The following OTOP2 variants were observed in gnomAD, a reference collection of about 807,000 sequenced individuals.
The protein encoded by OTOP2 is proton channel OTOP2.
Under a neutral mutation model 47.4 loss-of-function variants are expected in OTOP2, and 41 were observed. That is an observed-to-expected ratio of 0.87 (90% CI 0.67 to 1.12). OTOP2 has a LOEUF of 1.12. Ranked by LOEUF, OTOP2 falls within the 50% of genes most tolerant of loss-of-function variation. The pLI, the probability that OTOP2 is intolerant of heterozygous loss-of-function variation, is 0.00. For missense variants in OTOP2, 721 were observed against 752.2 expected (o/e 0.96, Z 0.49); for synonymous variants, 328 against 319.6 (o/e 1.03, Z -0.28).
intron 3 of OTOP2, among the ~76,000 whole-genome samples, chr17:74,926,477 G>A (rs527438306): frequency 6.6e-6 from 1 of 152,252 alleles, no homozygotes; most frequent in Non-Finnish European, 1.5e-5. Context: ...AGGATGAGCA[G>A]GGGATGTTGT....
At chr17:74,927,422 G>A in intron 4 of OTOP2, 141 bp downstream of exon 4, 1 of 1,138,302 alleles carries the variant, frequency 8.8e-7, no homozygotes, top group Admixed American at 1.9e-5. Flanking sequence ...GCTTTGTCAG[G>A]CTGACTTCCA....
rs780407688 is a variant in OTOP2, at chr17:74,930,618, A to G, written c.983A>G (p.Tyr328Cys). ...CGCACCAGGCAGGCCCTGGTCATCT[A>G]CTACAGCTTCAACATTGTCTGCTTG... The part of the protein sequence containing the change: ...GSRTRQALVI[Y>C]YSFNIVCLGL... The change falls in exon 6 of 7, where the codon TAC (tyrosine) becomes TGC (cysteine). Residue 328 changes from tyrosine (Y) to cysteine (C), a missense_variant. By Grantham distance (194) the Tyr-to-Cys change is radical. Coordinates refer to ENST00000331427, the MANE Select transcript of OTOP2 (RefSeq NM_178160.3). This position sits in a 1 kb window ranked among gnomAD's most constrained non-coding sequence, Gnocchi z 4.0. 6.2e-7 allele frequency: 1 copy of G among 1,614,004 alleles called. No homozygotes were observed. The highest frequency in any genetic ancestry group is 8.5e-7 in the Non-Finnish European group (1 of 1,180,004).
In OTOP2 at chr17:74,924,515, T is replaced by A. The variant is rs999590137; in HGVS notation, c.-33-85T>A. On this transcript the variant is annotated intron_variant, in intron 1 of 6. Transcript: ENST00000331427. This position sits in a 1 kb window ranked among gnomAD's most constrained non-coding sequence, Gnocchi z 7.7. ...AGCCCCAACCCTGCGGGTCAGGAAC[T>A]CCCTAGTCCCCAAGTCTAGGGATGA... is the stretch of plus-strand genomic sequence containing the variant. 2.1e-5 allele frequency: 26 copies of A among 1,252,370 alleles called. No homozygotes were observed. In the African/African-American group the frequency reaches 4.0e-4, roughly 19 times the overall value. The allele number at this position is 1,252,370 out of a possible 1,614,324, so 77.6% of individuals were successfully genotyped here. A position where few individuals can be genotyped will look rare whatever the true frequency, so the allele number is the denominator to read the frequency against.
chr17:74,924,991 C>G lies in OTOP2; in HGVS notation c.313+46C>G. 1 of 1,504,496 alleles carries G rather than the reference C, an allele frequency of 6.6e-7. No individual in the cohort carries two copies. The highest frequency in any genetic ancestry group is 8.9e-7 in the Non-Finnish European group (1 of 1,123,986). The allele number at this position is 1,504,496 out of a possible 1,614,324, so 93.2% of individuals were successfully genotyped here. A position where few individuals can be genotyped will look rare whatever the true frequency, so the allele number is the denominator to read the frequency against. ...GAGGTAGGGTGGGCACAACAGGGAG[C>G]TGCAGGCTAGGGCTCTCGCAGGAGT... On this transcript the variant is annotated intron_variant, in intron 2 of 6. Transcript: ENST00000331427. This position sits in a 1 kb window ranked among gnomAD's most constrained non-coding sequence, Gnocchi z 7.7.
Position 74,932,439 on chromosome 17 carries a change from C to T in OTOP2, c.1519-936C>T, listed in dbSNP as rs1053452348. ...TCCCCATAGATGTGGGATGATGCCA[C>T]GCAGGAGCCTTCCAACACAATCAAT... On this transcript the variant is annotated intron_variant, in intron 6 of 6. Transcript: ENST00000331427. Among the ~76,000 whole-genome samples, 8 of 152,206 alleles carry T rather than the reference C, an allele frequency of 5.3e-5. No homozygotes were observed. The South Asian group carries it at 1.0e-3, about 20-fold the overall frequency.
chr17:74,927,906 G>A, intron 5 of OTOP2, 108 bp downstream of exon 5: 1 of 1,403,480 alleles, frequency 7.1e-7, no homozygotes, highest in Non-Finnish European at 9.6e-7. Context: ...TAGAGGCAAA[G>A]GACAGAGCCA....
intron 2 of OTOP2, among the ~76,000 whole-genome samples, 177 bp downstream of exon 2, chr17:74,925,122 G>A (rs1022654863): frequency 6.6e-6 from 1 of 152,164 alleles, no homozygotes; most frequent in Non-Finnish European, 1.5e-5. Flanking sequence ...AAGGTAAGGG[G>A]TCCTGGGGGA....
intron 6 of OTOP2, among the ~76,000 whole-genome samples, chr17:74,932,763 T>A (rs138948982): frequency 6.6e-6 from 1 of 152,296 alleles, no homozygotes; most frequent in Non-Finnish European, 1.5e-5. Context: ...TAATCAGGGG[T>A]AGGGGTGGAG....
rs1379015183 is a variant in OTOP2 at position 74,925,657 on chromosome 17, C to T, written c.415C>T (p.His139Tyr). The T allele has an allele frequency of 1.2e-6, 2 of 1,614,200 alleles. No individual in the cohort carries two copies. Among genetic ancestry groups the T allele is most frequent in the Non-Finnish European group, 1.7e-6 (2 of 1,180,036 alleles). Residue 139 changes from histidine to tyrosine, a missense_variant, in exon 3 of 7, where the codon CAC (histidine) becomes TAC (tyrosine). Physicochemically the swap from His to Tyr is moderately conservative, Grantham distance 83. Transcript: ENST00000331427. ...FECQSAIKILHPLIQAVFVII... is the reference protein window; with the variant it reads ...FECQSAIKILYPLIQAVFVII... ...GTGCCAGTCAGCCATCAAGATCCTG[C>T]ACCCCCTCATCCAGGCTGTGTTTGT...
chr17:74,927,919 G>A lies in OTOP2; in HGVS notation c.643+121G>A, dbSNP rs2039024532. 3.0e-6 allele frequency: 4 copies of A among 1,321,278 alleles called. No individual in the cohort carries two copies. In the South Asian group the frequency reaches 6.0e-5, roughly 20 times the overall value. The allele number at this position is 1,321,278 out of a possible 1,614,324, so 81.8% of individuals were successfully genotyped here. A position where few individuals can be genotyped will look rare whatever the true frequency, so the allele number is the denominator to read the frequency against. ...CATAGAGGCAAAGGACAGAGCCAGGGTCCTCCTCCTGTTGCAGGATCTACC... is the reference window on the plus strand; with the variant it reads ...CATAGAGGCAAAGGACAGAGCCAGGATCCTCCTCCTGTTGCAGGATCTACC... On this transcript the variant is annotated intron_variant, in intron 5 of 6. Transcript: ENST00000331427.
chr17:74,928,522 G>A (rs2039029684), intron 5 of OTOP2, among the ~76,000 whole-genome samples: 1 of 152,054 alleles, frequency 6.6e-6, no homozygotes, highest in African/African-American at 2.4e-5. Context: ...TGGTAAGGGT[G>A]GCAATTTACT....
chr17:74,933,389 T>C lies in OTOP2; in HGVS notation c.1533T>C (p.Pro511=). The C allele has an allele frequency of 6.2e-7, 1 of 1,610,434 alleles. No homozygotes were observed. The highest frequency in any genetic ancestry group is 8.5e-7 in the Non-Finnish European group (1 of 1,177,078). Residue 511 remains proline (P), a synonymous_variant, in exon 7 of 7, where the codon CCT becomes CCC. Transcript: ENST00000331427. This position sits in a 1 kb window ranked among gnomAD's most constrained non-coding sequence, Gnocchi z 4.7. ...LLCNVILWIM[P]AFGARPHFSN... is the part of the protein sequence containing the mutation. ...TCTCCACACAGCTGTGGATCATGCCTGCCTTCGGGGCCCGCCCTCATTTCA... is the reference window on the plus strand; with the variant it reads ...TCTCCACACAGCTGTGGATCATGCCCGCCTTCGGGGCCCGCCCTCATTTCA...
In OTOP2 at chr17:74,933,018, C is replaced by T. The variant is rs1437207337; in HGVS notation, c.1519-357C>T. ...ACCCCCACCCCTGTGCACAAAACCCCCCAGGACAGAGCTGCTGATTTCACT... is the reference window on the plus strand; with the variant it reads ...ACCCCCACCCCTGTGCACAAAACCCTCCAGGACAGAGCTGCTGATTTCACT... On this transcript the variant is annotated intron_variant, in intron 6 of 6. Coordinates refer to ENST00000331427, the MANE Select transcript of OTOP2 (RefSeq NM_178160.3). This position sits in a 1 kb window ranked among gnomAD's most constrained non-coding sequence, Gnocchi z 4.7. Among the ~76,000 whole-genome samples, 3 of 152,188 alleles carry T rather than the reference C, an allele frequency of 2.0e-5. No homozygotes were observed. The East Asian group carries it at 5.8e-4, about 29-fold the overall frequency.
At position 74,924,888 on chromosome 17, in the gene OTOP2, C is replaced by G; in HGVS notation, c.256C>G (p.Arg86Gly). 6.3e-7 allele frequency: 1 copy of G among 1,598,318 alleles called. No homozygotes were observed. The highest frequency in any genetic ancestry group is 8.5e-7 in the Non-Finnish European group (1 of 1,173,360). Residue 86 changes from arginine (R) to glycine (G), a missense_variant, in exon 2 of 7, where the codon CGC becomes GGC. By Grantham distance (125) the Arg-to-Gly change is moderately radical (BLOSUM62 -2). Transcript: ENST00000331427. This position sits in a 1 kb window ranked among gnomAD's most constrained non-coding sequence, Gnocchi z 7.7. ...WILFYLLRTV[R>G]CPCAVPYRDA... ...CCTCTTCTACCTCCTCCGAACCGTG[C>G]GCTGCCCCTGCGCGGTACCCTACCG...
chr17:74,928,209 T>C (rs1438251411), intron 5 of OTOP2, among the ~76,000 whole-genome samples: 1 of 152,036 alleles, frequency 6.6e-6, no homozygotes, highest in Non-Finnish European at 1.5e-5. Flanking sequence ...CCCATTGTGG[T>C]GGTGCATGCC....
At position 74,930,260 on chromosome 17, in the gene OTOP2, G is replaced by C; in HGVS notation, c.644-19G>C. The C allele has an allele frequency of 6.3e-7, 1 of 1,599,224 alleles. No individual in the cohort carries two copies. Among genetic ancestry groups the C allele is most frequent in the Non-Finnish European group, 8.6e-7 (1 of 1,168,842 alleles). On this transcript the variant is annotated intron_variant, in intron 5 of 6. Coordinates refer to ENST00000331427, the MANE Select transcript of OTOP2 (RefSeq NM_178160.3). The surrounding 1 kb of genome is among the most constrained non-coding windows in gnomAD (Gnocchi z 4.0). ...GAAGGCAGGAGGGCTGTCCAGCCCT[G>C]TGTCTCTCTCCACAACAGAGCATGC...
chr17:74,927,123 G>T, intron 3 of OTOP2, 100 bp from the exon 4 acceptor site: 2 of 1,096,030 alleles, frequency 1.8e-6, no homozygotes, highest in South Asian at 1.2e-5. Flanking sequence ...TCAGTGTAAG[G>T]GTTCCTCAGG....
At chr17:74,925,739 G>A (rs781259403) in intron 3 of OTOP2, 47 bp downstream of exon 3, 1 of 1,610,288 alleles carries the variant, frequency 6.2e-7, no homozygotes, top group Non-Finnish European at 8.5e-7. Flanking sequence ...CTAACACTTG[G>A]CCATTGGGAA....
chr17:74,927,887 A>C (rs1598592699), intron 5 of OTOP2, 89 bp downstream of exon 5: 1 of 1,486,854 alleles, frequency 6.7e-7, no homozygotes, highest in Non-Finnish European at 9.1e-7. Flanking sequence ...CTGTGCCCTC[A>C]TGAGGGCATA....
Sources: allele counts gnomAD v4.1 joint callset (sites outside exome capture counted in the v4.1 genomes callset), GRCh38; gene constraint gnomAD v4.1.1; non-coding constraint Gnocchi (gnomAD v3.1); transcripts MANE v1.5; gene names NCBI Gene and HGNC (gene_info 2026-07-23, HGNC 2026-07-21).